PRKCH: variants seen among roughly 807,000 people sequenced by gnomAD.
The protein encoded by PRKCH is protein kinase C eta type.
PRKCH carries 28 observed loss-of-function variants against 82.5 expected under a neutral mutation model. That is an observed-to-expected ratio of 0.34 (90% CI 0.25 to 0.47). The LOEUF is 0.47. Ranked by LOEUF, PRKCH falls within the 20% of genes least tolerant of loss-of-function variation. PRKCH has a pLI of 1.00. For missense variants in PRKCH, 705 were observed against 881.8 expected (o/e 0.80, Z 2.54); for synonymous variants, 322 against 327.4 (o/e 0.98, Z 0.18).
intron 3 of PRKCH, 62 bp downstream of exon 3, chr14:61,443,323 A>T: frequency 6.6e-7 from 1 of 1,506,118 alleles, no homozygotes; most frequent in South Asian, 1.3e-5. Flanking sequence ...TCCTCTGGTT[A>T]TGTATGACTT....
intron 1 of PRKCH, among the ~76,000 whole-genome samples, chr14:61,335,492 C>T (rs1367765078): frequency 6.6e-6 from 1 of 151,894 alleles, no homozygotes; most frequent in African/African-American, 2.4e-5. Context: ...CAAAACTATA[C>T]ATTTATGGCT....
intron 1 of PRKCH, among the ~76,000 whole-genome samples, chr14:61,380,018 A>G (rs1025244898): frequency 7.2e-5 from 11 of 152,144 alleles, no homozygotes; most frequent in Admixed American, 3.9e-4. Context: ...ACGTCTTATC[A>G]GAGGAGAAGA....
chr14:61,246,184 T>C (rs1004714348), intron 1 of PRKCH, among the ~76,000 whole-genome samples: 1 of 150,466 alleles, frequency 6.6e-6, no homozygotes. Flanking sequence ...GGCGAGTGGA[T>C]CACCTGAGGT....
At chr14:61,297,611 A>T (rs1403224396) in intron 1 of PRKCH, among the ~76,000 whole-genome samples, 2 of 152,210 alleles carry the variant, frequency 1.3e-5, no homozygotes, top group Non-Finnish European at 2.9e-5. Context: ...TAGATATTAG[A>T]TTCTCATAAG....
intron 1 of PRKCH, among the ~76,000 whole-genome samples, chr14:61,275,637 A>G (rs778593146): frequency 6.6e-6 from 1 of 152,202 alleles, no homozygotes; most frequent in Non-Finnish European, 1.5e-5. Flanking sequence ...AATTTCTCAA[A>G]GCCCTTGTCA....
chr14:61,544,081 C>T (rs10483743), intron 12 of PRKCH: 14,036 of 152,352 alleles, frequency 0.092, 916 homozygotes, highest in East Asian at 0.31. Flanking sequence ...TCATGGTATT[C>T]ATCCTCCTCT....
At chr14:61,532,327 T>A (rs1483002359) in intron 12 of PRKCH, among the ~76,000 whole-genome samples, 1 of 152,190 alleles carries the variant, frequency 6.6e-6, no homozygotes, top group Non-Finnish European at 1.5e-5. Context: ...GAAATAAAAG[T>A]CAGTCTATGC....
intron 1 of PRKCH, among the ~76,000 whole-genome samples, chr14:61,352,714 G>GAAAGAAAGAA (rs1162682380): frequency 9.3e-5 from 14 of 151,270 alleles, no homozygotes; most frequent in Admixed American, 3.3e-4. Flanking sequence ...AAGAAAGAAA[G>GAAAGAAAGAA]AAAGAAAGAA....
intron 10 of PRKCH, among the ~76,000 whole-genome samples, chr14:61,490,519 C>A (rs1886408581): frequency 6.6e-6 from 1 of 152,172 alleles, no homozygotes; most frequent in East Asian, 1.9e-4. Flanking sequence ...CTCGCTGACT[C>A]CAGATAACTC....
At chr14:61,238,792 G>A (rs545056480) in intron 1 of PRKCH, among the ~76,000 whole-genome samples, 59 of 152,156 alleles carry the variant, frequency 3.9e-4, no homozygotes, top group African/African-American at 1.3e-3. Context: ...GTTTTCATTA[G>A]CATCTGTAAG....
In PRKCH at chr14:61,415,871, C is replaced by T. The variant is rs191404425; in HGVS notation, c.427+24583C>T. Among the ~76,000 whole-genome samples, 125 of 152,150 alleles carry T rather than the reference C, an allele frequency of 8.2e-4. 2 individuals are homozygous for T. The highest frequency in any genetic ancestry group is 1.6e-4 in the Non-Finnish European group (11 of 67,990). ...TCTCCCTCCAGCCCTTAGCAAACAC[C>T]ATTCTGCTTTCTGTCTCTATAGATT... On this transcript the variant is annotated intron_variant, in intron 2 of 13. Coordinates refer to ENST00000332981, the MANE Select transcript of PRKCH (RefSeq NM_006255.5).
At chr14:61,542,297 AAAAAC>A (rs373848674) in intron 12 of PRKCH, among the ~76,000 whole-genome samples, 446 of 152,246 alleles carry the variant, frequency 2.9e-3, no homozygotes, top group African/African-American at 5.9e-3. Context: ...CATATCAAAA[AAAAAC>A]AAAACAAACA....
intron 10 of PRKCH, among the ~76,000 whole-genome samples, chr14:61,526,415 T>G (rs890442414): frequency 1.3e-5 from 2 of 152,228 alleles, no homozygotes; most frequent in African/African-American, 4.8e-5. Flanking sequence ...TCCATTGATC[T>G]GTGCCATGAA....
At chr14:61,532,808 G>A (rs1018778923) in intron 12 of PRKCH, among the ~76,000 whole-genome samples, 1 of 152,194 alleles carries the variant, frequency 6.6e-6, no homozygotes. Flanking sequence ...ATCGCATCCA[G>A]TGGAGACTGA....
Position 61,482,499 on chromosome 14 carries a change from C to T in PRKCH, c.1279-3003C>T, listed in dbSNP as rs10483736. 0.019 allele frequency among the ~76,000 whole-genome samples: 2,953 copies of T among 152,172 alleles called. 174 individuals carry two copies. In the East Asian group the frequency reaches 0.24, roughly 12 times the overall value. On this transcript the variant is annotated intron_variant, in intron 9 of 13. Transcript: ENST00000332981. ...GATAAACATGTCTTTGTTTTTTATA[C>T]CTGGTGACGTTATTTGAGGTCTTTG...
At chr14:61,378,079 G>A (rs943174090) in intron 1 of PRKCH, among the ~76,000 whole-genome samples, 5 of 152,060 alleles carry the variant, frequency 3.3e-5, no homozygotes, top group Admixed American at 6.6e-5. Flanking sequence ...CTTCTCACAG[G>A]TTGCTCCTGA....
intron 1 of PRKCH, among the ~76,000 whole-genome samples, chr14:61,326,184 G>A (rs2045693721): frequency 6.6e-6 from 1 of 152,074 alleles, no homozygotes; most frequent in African/African-American, 2.4e-5. Context: ...CCCCCAAAGT[G>A]GAAACAACTC....
intron 1 of PRKCH, among the ~76,000 whole-genome samples, chr14:61,233,880 G>C (rs949224250): frequency 2.0e-5 from 3 of 151,952 alleles, no homozygotes; most frequent in Non-Finnish European, 4.4e-5. Context: ...TTTTTTAGCA[G>C]CATGAGAATG....
At chr14:61,192,317 G>C (rs1461180002) in intron 1 of PRKCH, among the ~76,000 whole-genome samples, 3 of 152,020 alleles carry the variant, frequency 2.0e-5, no homozygotes. Flanking sequence ...ATGTGATTTG[G>C]GGCAAGTTAA....
Sources: gnomAD v4.1 joint callset for allele counts (sites outside exome capture counted in the v4.1 genomes callset) on GRCh38, gnomAD v4.1.1 for gene constraint, MANE v1.5 for transcripts, NCBI Gene and HGNC (gene_info 2026-07-23, HGNC 2026-07-21) for gene names.